PDE6B: variants seen among roughly 807,000 people sequenced by gnomAD.
The protein encoded by PDE6B is phosphodiesterase 6B.
In PDE6B, 106 loss-of-function variants were observed where a neutral mutation model predicts 109.0. The observed-to-expected ratio is 0.97, with a 90% CI of 0.83 to 1.14. The LOEUF is 1.14. PDE6B is among the 50% of genes most tolerant of loss of function. The pLI is 0.00. For missense variants in PDE6B, 1,193 were observed against 1,155.6 expected (o/e 1.03, Z -0.47); for synonymous variants, 490 against 471.3 (o/e 1.04, Z -0.51).
rs752253000 is a variant in PDE6B, at chr4:662,122, C to G, written c.1615-12C>G. On this transcript the variant is annotated splice_polypyrimidine_tract_variant and intron_variant, in intron 12 of 21. Transcript: ENST00000496514. The surrounding 1 kb of genome is among the most constrained non-coding windows in gnomAD (Gnocchi z 4.3). The stretch of plus-strand genomic sequence containing the variant: ...TTGCCGCCGGAGCCCTGTGTCCTCT[C>G]GGCTCCCCCAGGTCCTGGTGCGGTT... 7.0e-7 allele frequency: 1 copy of G among 1,424,108 alleles called. No individual in the cohort carries two copies. The highest frequency in any genetic ancestry group is 2.4e-5 in the East Asian group (1 of 40,894). 88.2% of individuals were successfully genotyped at this position (1,424,108 alleles called of 1,614,324 possible).
intron 21 of PDE6B, among the ~76,000 whole-genome samples, chr4:669,491 G>C (rs1194073938): frequency 4.6e-5 from 4 of 86,400 alleles, no homozygotes; most frequent in East Asian, 3.1e-4. Flanking sequence ...TGCTATTCCC[G>C]CTACCCCATG....
chr4:649,052 AG>A (rs1254524959), intron 3 of PDE6B, among the ~76,000 whole-genome samples: 1 of 152,154 alleles, frequency 6.6e-6, no homozygotes, highest in Non-Finnish European at 1.5e-5. Flanking sequence ...CTTCGGACTT[AG>A]GGCCCCACCA....
Position 664,191 on chromosome 4 carries a change from C to T in PDE6B, c.2099C>T (p.Ser700Phe), listed in dbSNP as rs752794968. Residue 700 changes from serine (S) to phenylalanine (F), a missense_variant, in exon 17 of 22, where the codon TCC becomes TTC. By Grantham distance (155) the Ser-to-Phe change is radical. Transcript: ENST00000496514. ...QDKKSWVEYLSLETTRKEIVM... is the reference protein window; with the variant it reads ...QDKKSWVEYLFLETTRKEIVM... ...AAGAAGAGCTGGGTGGAGTACCTGTCCCTGGAGACGACCCGGAAGGAGATC... is the reference window on the plus strand; with the variant it reads ...AAGAAGAGCTGGGTGGAGTACCTGTTCCTGGAGACGACCCGGAAGGAGATC... The T allele has an allele frequency of 2.8e-5, 45 of 1,608,212 alleles. No homozygotes were observed. The Admixed American group carries it at 7.5e-4, about 27-fold the overall frequency.
chr4:647,179 C>T (rs181138835), intron 3 of PDE6B, among the ~76,000 whole-genome samples: 41 of 152,086 alleles, frequency 2.7e-4, no homozygotes, highest in Non-Finnish European at 5.4e-4. Context: ...ATTTTAAATT[C>T]CCAGTCTGAT....
chr4:650,222 G>A (rs1392116118), intron 3 of PDE6B, among the ~76,000 whole-genome samples: 4 of 152,238 alleles, frequency 2.6e-5, no homozygotes, highest in Admixed American at 2.0e-4. Context: ...TTGAAAAGGG[G>A]GTAGGTCCCA....
At chr4:641,343 A>G (rs1174550112) in intron 3 of PDE6B, among the ~76,000 whole-genome samples, 1 of 152,262 alleles carries the variant, frequency 6.6e-6, no homozygotes, top group Non-Finnish European at 1.5e-5. Context: ...TTGCTGTTAT[A>G]AAGCAAAGCA....
At chr4:647,253 T>G (rs1270906394) in intron 3 of PDE6B, among the ~76,000 whole-genome samples, 1 of 152,054 alleles carries the variant, frequency 6.6e-6, no homozygotes, top group African/African-American at 2.4e-5. Flanking sequence ...TTTGGACTGT[T>G]GCTTTTTCTT....
Position 655,808 on chromosome 4 carries a change from G to C in PDE6B, c.993-132G>C, listed in dbSNP as rs28535694. On this transcript the variant is annotated intron_variant, in intron 6 of 21. Transcript: ENST00000496514. Reference sequence around the variant, plus strand: ...ACGTGCAGCCCAGACCAGCCCCTCTGACCCCTGCACACACACGTGCAGCCT... The same window carrying C: ...ACGTGCAGCCCAGACCAGCCCCTCTCACCCCTGCACACACACGTGCAGCCT... 0.026 allele frequency: 18,855 copies of C among 735,838 alleles called. 987 individuals carry two copies. Among genetic ancestry groups the C allele is most frequent in the African/African-American group, 0.18 (9,925 of 56,396 alleles). 45.6% of individuals were successfully genotyped at this position (735,838 alleles called of 1,614,324 possible). A position where few individuals can be genotyped will look rare whatever the true frequency, so the allele number is the denominator to read the frequency against.
At chr4:643,786 A>G (rs1343116105) in intron 3 of PDE6B, among the ~76,000 whole-genome samples, 2 of 149,814 alleles carry the variant, frequency 1.3e-5, no homozygotes, top group African/African-American at 5.0e-5. Flanking sequence ...TTAAGCTTTG[A>G]GTGTTGATTT....
rs576548604 is a variant in PDE6B, at chr4:625,922, A to G, written c.296A>G (p.Gln99Arg). The G allele has an allele frequency of 1.3e-6, 2 of 1,599,774 alleles. No individual in the cohort carries two copies. The highest frequency in any genetic ancestry group is 2.3e-5 in the East Asian group (1 of 44,132). ...CGCTGCAGCCTCTTCATGTACCGCC[A>G]GCGCAACGGCGTGGCCGAGCTGGCC... ...ADRCSLFMYR[Q>R]RNGVAELATR... The change falls in exon 1 of 22, where the codon CAG (glutamine) becomes CGG (arginine). Residue 99 changes from glutamine (Q) to arginine (R), a missense_variant. Gln to Arg is a conservative substitution (Grantham distance 43). Coordinates refer to ENST00000496514, the MANE Select transcript of PDE6B (RefSeq NM_000283.4). The surrounding 1 kb of genome is among the most constrained non-coding windows in gnomAD (Gnocchi z 5.0).
At chr4:629,323 G>A (rs974173793) in intron 1 of PDE6B, among the ~76,000 whole-genome samples, 2 of 152,352 alleles carry the variant, frequency 1.3e-5, no homozygotes, top group East Asian at 3.9e-4. Context: ...CCTCAGACCT[G>A]CAAGAGTTCA....
At chr4:644,486 A>G (rs1466978662) in intron 3 of PDE6B, among the ~76,000 whole-genome samples, 2 of 151,946 alleles carry the variant, frequency 1.3e-5, no homozygotes, top group Non-Finnish European at 2.9e-5. Context: ...GAGGTAAATT[A>G]TAGATGTCAA....
intron 3 of PDE6B, among the ~76,000 whole-genome samples, chr4:649,073 A>G (rs576818605): frequency 6.6e-6 from 1 of 152,296 alleles, no homozygotes; most frequent in African/African-American, 2.4e-5. Context: ...ATGATGAGCC[A>G]GATGGAGCTG....
chr4:643,297 G>C (rs1735033293), intron 3 of PDE6B, among the ~76,000 whole-genome samples: 1 of 151,302 alleles, frequency 6.6e-6, no homozygotes, highest in Non-Finnish European at 1.5e-5. Context: ...GACAGAGCGA[G>C]ATTCCATCTC....
intron 17 of PDE6B, among the ~76,000 whole-genome samples, 172 bp downstream of exon 17, chr4:664,393 C>A (rs1346838071): frequency 6.6e-6 from 1 of 152,182 alleles, no homozygotes; most frequent in South Asian, 2.1e-4. Context: ...CCCCCCAGCT[C>A]TCAGGGAGAT....
chr4:661,120 A>G (rs552624127), intron 12 of PDE6B: 1 of 151,422 alleles, frequency 6.6e-6, no homozygotes, highest in Admixed American at 6.5e-5. Context: ...GATGAGTGAT[A>G]GATGAGTAGG....
At chr4:653,320 G>C in intron 3 of PDE6B, 1 of 1,052,780 alleles carries the variant, frequency 9.5e-7, no homozygotes, top group East Asian at 8.1e-5. Flanking sequence ...GGGCCCTGGG[G>C]TGAGTCTGAG....
rs969757264 is a variant in PDE6B at position 663,002 on chromosome 4, CA to C, written c.1833-90del. 6.4e-5 allele frequency: 50 copies of C among 776,110 alleles called. No homozygotes were observed. Among genetic ancestry groups the C allele is most frequent in the Admixed American group, 1.4e-4 (8 of 55,738 alleles). The allele number at this position is 776,110 out of a possible 1,614,324, so 48.1% of individuals were successfully genotyped here. On this transcript the variant is annotated intron_variant, in intron 14 of 21. Coordinates refer to ENST00000496514, the MANE Select transcript of PDE6B (RefSeq NM_000283.4). The surrounding 1 kb of genome is among the most constrained non-coding windows in gnomAD (Gnocchi z 4.0). ...TGGGTGACAGAGGCAGACCCTGTCT[CA>C]AAAAAAAGAAAGTGGGGCCCATCTG... is the stretch of plus-strand genomic sequence containing the variant.
At chr4:647,693 G>A (rs1215641257) in intron 3 of PDE6B, among the ~76,000 whole-genome samples, 1 of 151,926 alleles carries the variant, frequency 6.6e-6, no homozygotes, top group Non-Finnish European at 1.5e-5. Flanking sequence ...ATCGCATCTC[G>A]GGTGAGGGCT....
Sources: allele counts gnomAD v4.1 joint callset (sites outside exome capture counted in the v4.1 genomes callset), GRCh38; gene constraint gnomAD v4.1.1; non-coding constraint Gnocchi (gnomAD v3.1); transcripts MANE v1.5; gene names NCBI Gene and HGNC (gene_info 2026-07-23, HGNC 2026-07-21).